Variants in DRG2 observed in about 807,000 individuals in gnomAD.
DRG2 encodes the protein developmentally regulated GTP binding protein 2.
DRG2 carries 36 observed loss-of-function variants against 53.4 expected under a neutral mutation model. The ratio of observed to expected loss-of-function variants is 0.67; its 90% CI spans 0.52 to 0.89. The LOEUF (loss-of-function observed/expected upper bound fraction) is 0.89, where lower values mean the gene tolerates loss of function less well. Among genes scored for constraint, DRG2 ranks in the 40% least tolerant of loss-of-function variants. The pLI, the probability that DRG2 is intolerant of heterozygous loss-of-function variation, is 0.00. For synonymous variants in DRG2, 167 were observed against 192.1 expected (o/e 0.87, Z 1.08); for missense variants, 342 against 481.2 (o/e 0.71, Z 2.71).
chr17:18,102,879 C>T (rs898003010), intron 9 of DRG2, among the ~76,000 whole-genome samples: 1 of 152,188 alleles, frequency 6.6e-6, no homozygotes, highest in East Asian at 1.9e-4. Context: ...CTGGCAGGCT[C>T]CTCTTTGGGG....
At chr17:18,094,693 G>A (rs932351550) in intron 2 of DRG2, among the ~76,000 whole-genome samples, 4 of 152,046 alleles carry the variant, frequency 2.6e-5, no homozygotes. Flanking sequence ...AGGTTTCTTC[G>A]GCCGGGCGCG....
intron 11 of DRG2, 37 bp downstream of exon 11, chr17:18,104,718 G>A (rs1185548349): frequency 6.2e-7 from 1 of 1,613,600 alleles, no homozygotes; most frequent in South Asian, 1.1e-5. Flanking sequence ...AGGGGTGGGA[G>A]CTCTGCATGC....
At chr17:18,101,632 TC>T (rs2045538887) in intron 8 of DRG2, 42 bp downstream of exon 8, 1 of 1,584,334 alleles carries the variant, frequency 6.3e-7, no homozygotes, top group Admixed American at 1.7e-5. Context: ...ACTCGGCCTT[TC>T]TACCACATGC....
At chr17:18,104,390 G>C (rs917840498) in intron 10 of DRG2, among the ~76,000 whole-genome samples, 3 of 152,206 alleles carry the variant, frequency 2.0e-5, no homozygotes, top group African/African-American at 7.2e-5. Context: ...CAGATGGGTG[G>C]CAGGCACTGT....
rs147901932 is a variant in DRG2, at chr17:18,107,338, G to A, written c.*98G>A. On this transcript the variant is annotated 3_prime_UTR_variant, in exon 13 of 13. Coordinates refer to ENST00000225729, the MANE Select transcript of DRG2 (RefSeq NM_001388.5). ...CCCAAACAGAAAAATACAAATACACGTACCCCAGGAAGGGGTCCCTCAAGT... is the reference window on the plus strand; with the variant it reads ...CCCAAACAGAAAAATACAAATACACATACCCCAGGAAGGGGTCCCTCAAGT... The A allele has an allele frequency of 1.5e-4, 182 of 1,210,558 alleles. No individual in the cohort carries two copies. The Middle Eastern group carries it at 3.8e-3, about 25-fold the overall frequency. 75.0% of individuals were successfully genotyped at this position (1,210,558 alleles called of 1,614,324 possible). A position where few individuals can be genotyped will look rare whatever the true frequency, so the allele number is the denominator to read the frequency against.
At position 18,106,446 on chromosome 17, in the gene DRG2, A is replaced by T. The variant is rs1285801241; in HGVS notation, c.968A>T (p.His323Leu). Residue 323 changes from histidine (H) to leucine (L), a missense_variant, in exon 12 of 13, where the codon CAC becomes CTC. His to Leu is a moderately conservative substitution (Grantham distance 99). Transcript: ENST00000225729. ...ASVEHVCHRI[H>L]RSLASQFKYA... ...CCTGTCCTCCAGTGCCACCGCATCC[A>T]CCGGTCACTCGCCAGCCAGTTCAAG... 1.2e-6 allele frequency: 2 copies of T among 1,613,772 alleles called. No individual in the cohort carries two copies. Among genetic ancestry groups the T allele is most frequent in the African/African-American group, 2.7e-5 (2 of 74,864 alleles).
intron 1 of DRG2, among the ~76,000 whole-genome samples, chr17:18,088,467 A>G (rs2045255837): frequency 6.6e-6 from 1 of 152,232 alleles, no homozygotes; most frequent in African/African-American, 2.4e-5. Flanking sequence ...GAGACCTCTC[A>G]GGAACAGCCT....
chr17:18,104,428 C>G, intron 10 of DRG2, 195 bp from the exon 11 acceptor site: 2 of 1,214,036 alleles, frequency 1.6e-6, no homozygotes, highest in Non-Finnish European at 2.2e-6. Context: ...TATTTTGAGT[C>G]ACTGTGTTAA....
chr17:18,102,005 C>T lies in DRG2; in HGVS notation c.806+8C>T. Reference sequence around the variant, plus strand: ...CAACAGTGTGGTCATCAGGTGAGGCCACTGGCATCCTGCCACTCTGCTGTC... The same window carrying T: ...CAACAGTGTGGTCATCAGGTGAGGCTACTGGCATCCTGCCACTCTGCTGTC... On this transcript the variant is annotated splice_region_variant and intron_variant, in intron 9 of 12. Coordinates refer to ENST00000225729, the MANE Select transcript of DRG2 (RefSeq NM_001388.5). 6.2e-7 allele frequency: 1 copy of T among 1,601,150 alleles called. No individual in the cohort carries two copies. The highest frequency in any genetic ancestry group is 2.3e-5 in the East Asian group (1 of 43,982).
intron 1 of DRG2, 97 bp from the exon 2 acceptor site, chr17:18,093,716 G>A (rs1411251206): frequency 1.4e-6 from 2 of 1,405,352 alleles, no homozygotes; most frequent in Non-Finnish European, 1.9e-6. Flanking sequence ...GACAGCAGTT[G>A]CTTCCCAGCC....
At chr17:18,096,091 C>G (rs1452407555) in intron 2 of DRG2, 1 of 152,172 alleles carries the variant, frequency 6.6e-6, no homozygotes, top group African/African-American at 2.4e-5. Context: ...AGGAAGGCCA[C>G]AGAGGTAAAG....
At chr17:18,104,474 T>C in intron 10 of DRG2, 149 bp from the exon 11 acceptor site, 1 of 1,465,306 alleles carries the variant, frequency 6.8e-7, no homozygotes, top group South Asian at 1.4e-5. Context: ...GGGATCTATG[T>C]GGAGGGTGTG....
At position 18,098,548 on chromosome 17, in the gene DRG2, TG is replaced by T; in HGVS notation, c.315+193del. Reference sequence around the variant, plus strand: ...GCTGCTGGACCCCAGAGATGCCTGGTGGGGCCTGGAACTAGGAGGTCAGGCC... The same window carrying T: ...GCTGCTGGACCCCAGAGATGCCTGGTGGGCCTGGAACTAGGAGGTCAGGCC... On this transcript the variant is annotated intron_variant, in intron 3 of 12. Coordinates refer to ENST00000225729, the MANE Select transcript of DRG2 (RefSeq NM_001388.5). The surrounding 1 kb of genome is among the most constrained non-coding windows in gnomAD (Gnocchi z 4.1). 1.8e-6 allele frequency: 1 copy of T among 556,470 alleles called. No homozygotes were observed. Among genetic ancestry groups the T allele is most frequent in the Non-Finnish European group, 3.2e-6 (1 of 308,172 alleles). 34.5% of individuals were successfully genotyped at this position (556,470 alleles called of 1,614,324 possible). A position where few individuals can be genotyped will look rare whatever the true frequency, so the allele number is the denominator to read the frequency against.
intron 1 of DRG2, among the ~76,000 whole-genome samples, chr17:18,090,381 TATATATATATATATATATATATATA>T (rs1239077559): frequency 0.021 from 364 of 17,574 alleles, 16 homozygotes; most frequent in South Asian, 0.055. Flanking sequence ...TATATATATA[TATATATATATATATATATATATATA>T]TTTTTTTTTT....
intron 11 of DRG2, 82 bp from the exon 12 acceptor site, chr17:18,106,351 C>A: frequency 6.5e-7 from 1 of 1,535,382 alleles, no homozygotes; most frequent in Non-Finnish European, 9.0e-7. Context: ...GGCCTGTGTC[C>A]TGAGCTTTGG....
intron 2 of DRG2, 104 bp downstream of exon 2, chr17:18,094,077 G>A (rs1326512798): frequency 2.0e-5 from 29 of 1,440,588 alleles, no homozygotes; most frequent in Non-Finnish European, 2.7e-5. Context: ...TAGCTCCAGG[G>A]ACACAGAAGA....
At chr17:18,102,573 A>G (rs1280698597) in intron 9 of DRG2, among the ~76,000 whole-genome samples, 2 of 150,168 alleles carry the variant, frequency 1.3e-5, no homozygotes, top group Non-Finnish European at 3.0e-5. Flanking sequence ...GTGAGCCGAG[A>G]TCATGCCACT....
rs2045578128 is a variant in DRG2 at position 18,103,712 on chromosome 17, A to G, written c.807-89A>G. 1.6e-6 allele frequency: 2 copies of G among 1,265,544 alleles called. No individual in the cohort carries two copies. Among genetic ancestry groups the G allele is most frequent in the Admixed American group, 3.4e-5 (2 of 58,740 alleles). 78.4% of individuals were successfully genotyped at this position (1,265,544 alleles called of 1,614,324 possible). A position where few individuals can be genotyped will look rare whatever the true frequency, so the allele number is the denominator to read the frequency against. On this transcript the variant is annotated intron_variant, in intron 9 of 12. Coordinates refer to ENST00000225729, the MANE Select transcript of DRG2 (RefSeq NM_001388.5). The surrounding 1 kb of genome is among the most constrained non-coding windows in gnomAD (Gnocchi z 4.4). ...TACCAGCGGGCCACCTGGCCAGTGG[A>G]GGTTATCCGCTCCAATAGTGAGAAG... is the stretch of plus-strand genomic sequence containing the variant.
In DRG2 at chr17:18,098,406, G is replaced by C. The variant is rs772897657; in HGVS notation, c.315+47G>C. The stretch of plus-strand genomic sequence containing the variant: ...AGAAGGAGAAGGGGCGCATGCTTGT[G>C]TTTGGACTTGTGCCTGTGCCCACCC... On this transcript the variant is annotated intron_variant, in intron 3 of 12. Coordinates refer to ENST00000225729, the MANE Select transcript of DRG2 (RefSeq NM_001388.5). The surrounding 1 kb of genome is among the most constrained non-coding windows in gnomAD (Gnocchi z 4.1). The C allele has an allele frequency of 3.9e-6, 6 of 1,557,038 alleles. No homozygotes were observed. In the Admixed American group the frequency reaches 8.4e-5, roughly 22 times the overall value.
Sources: allele counts gnomAD v4.1 joint callset (sites outside exome capture counted in the v4.1 genomes callset), GRCh38; gene constraint gnomAD v4.1.1; non-coding constraint Gnocchi (gnomAD v3.1); transcripts MANE v1.5; gene names NCBI Gene and HGNC (gene_info 2026-07-23, HGNC 2026-07-21).